Variants in CPA4 observed in about 807,000 individuals in gnomAD.
CPA4 encodes the protein carboxypeptidase A4, also known as carboxypeptidase A3.
In CPA4, 49 loss-of-function variants were observed where a neutral mutation model predicts 54.7. That is an observed-to-expected ratio of 0.90 (90% confidence interval 0.71 to 1.14). CPA4 has a LOEUF of 1.14. CPA4 is among the 50% of genes most tolerant of loss of function. The probability of loss-of-function intolerance (pLI) is 0.00; values close to 1 mark genes in which losing one functional copy is unlikely to be tolerated. For missense variants in CPA4, 487 were observed against 525.1 expected, an observed-to-expected ratio of 0.93 and a Z score of 0.71; for synonymous variants, 215 against 206.8, an observed-to-expected ratio of 1.04 and a Z score of -0.34.
intron 3 of CPA4, 21 bp downstream of exon 3, chr7:130,299,425 G>T: frequency 6.2e-7 from 1 of 1,612,230 alleles, no homozygotes; most frequent in Non-Finnish European, 8.5e-7. Context: ...TATGCCTCCT[G>T]CCTCCTGCTC....
intron 2 of CPA4, 108 bp from the exon 3 acceptor site, chr7:130,299,162 A>C (rs1206657523): frequency 1.7e-6 from 2 of 1,205,018 alleles, no homozygotes; most frequent in African/African-American, 1.5e-5. Flanking sequence ...GGCAGAGCCT[A>C]GCCTCTCAGG....
chr7:130,304,365 C>T, intron 4 of CPA4, 113 bp from the exon 5 acceptor site: 1 of 772,834 alleles, frequency 1.3e-6, no homozygotes, highest in South Asian at 1.4e-5. Context: ...TGGTCAATTC[C>T]AAGATTAGGG....
chr7:130,317,967 C>G (rs1286081627), intron 10 of CPA4, among the ~76,000 whole-genome samples: 1 of 152,154 alleles, frequency 6.6e-6, no homozygotes, highest in East Asian at 1.9e-4. Context: ...CCTCTGGACT[C>G]CATCTCAACA....
chr7:130,313,288 G>C (rs547715346), intron 10 of CPA4, among the ~76,000 whole-genome samples: 39 of 152,310 alleles, frequency 2.6e-4, no homozygotes, highest in Admixed American at 2.3e-3. Context: ...ATATTATTAG[G>C]ACAGAGCCCA....
At chr7:130,299,151 G>T (rs748220178) in intron 2 of CPA4, 119 bp from the exon 3 acceptor site, 138 of 1,095,860 alleles carry the variant, frequency 1.3e-4, no homozygotes, top group Non-Finnish European at 1.7e-4. Context: ...CTTTGCCCTT[G>T]GGCAGAGCCT....
intron 10 of CPA4, among the ~76,000 whole-genome samples, chr7:130,315,528 G>A (rs1277858558): frequency 6.6e-6 from 1 of 152,098 alleles, no homozygotes; most frequent in Non-Finnish European, 1.5e-5. Flanking sequence ...CTGTGCAAGT[G>A]TTTGAGTAAT....
chr7:130,307,094 T>A (rs1432226551), intron 7 of CPA4, among the ~76,000 whole-genome samples, 197 bp downstream of exon 7: 1 of 152,260 alleles, frequency 6.6e-6, no homozygotes, highest in East Asian at 1.9e-4. Flanking sequence ...GAACTCCCTA[T>A]CATGAGTCTT....
rs1468961624 is a variant in CPA4, at chr7:130,308,082, T to G, written c.703-225T>G. 3 of 569,144 alleles carry G rather than the reference T, an allele frequency of 5.3e-6. No individual in the cohort carries two copies. The East Asian group carries it at 8.8e-5, about 17-fold the overall frequency. 35.3% of individuals were successfully genotyped at this position (569,144 alleles called of 1,614,324 possible). A position where few individuals can be genotyped will look rare whatever the true frequency, so the allele number is the denominator to read the frequency against. On this transcript the variant is annotated intron_variant, in intron 7 of 10. Coordinates refer to ENST00000222482, the MANE Select transcript of CPA4 (RefSeq NM_016352.4). ...TCTGACTGGTTCTAGCATATAAAGG[T>G]CTCATCAGTACATTTGGAAGAAGTC...
intron 7 of CPA4, 86 bp from the exon 8 acceptor site, chr7:130,308,221 C>G (rs1424873719): frequency 1.7e-6 from 2 of 1,152,232 alleles, no homozygotes; most frequent in African/African-American, 1.5e-5. Flanking sequence ...GCAGCCTGCC[C>G]TGCCTGCGTG....
At chr7:130,312,226 GT>G in intron 10 of CPA4, 104 bp downstream of exon 10, 1 of 819,260 alleles carries the variant, frequency 1.2e-6, no homozygotes, top group Non-Finnish European at 2.1e-6. Context: ...TCATCTGATT[GT>G]TTTTGTTGTT....
At position 130,322,511 on chromosome 7, in the gene CPA4, C is replaced by T. The variant is rs778346915; in HGVS notation, c.1101C>T (p.Ile367=). The change falls in exon 11 of 11, where the codon ATC becomes ATT. Residue 367 remains isoleucine (I), a synonymous_variant. Transcript: ENST00000222482. ...TTVYPASGSS[I]DWAYDNGIKF... is the part of the protein sequence containing the mutation. ...CAGATCCAGCTAGCGGGAGCAGCATCGACTGGGCATATGACAACGGCATCA... is the reference window on the plus strand; with the variant it reads ...CAGATCCAGCTAGCGGGAGCAGCATTGACTGGGCATATGACAACGGCATCA... 11 of 1,613,696 alleles carry T rather than the reference C, an allele frequency of 6.8e-6. No homozygotes were observed. Among genetic ancestry groups the T allele is most frequent in the Admixed American group, 3.3e-5 (2 of 59,990 alleles).
At chr7:130,322,257 G>C (rs1443565753) in intron 10 of CPA4, among the ~76,000 whole-genome samples, 3 of 152,166 alleles carry the variant, frequency 2.0e-5, no homozygotes, top group African/African-American at 7.2e-5. Context: ...TTAGTAATAA[G>C]GTGGGAGTAG....
chr7:130,298,674 T>C (rs1049721064), intron 1 of CPA4, 72 bp from the exon 2 acceptor site: 4 of 918,316 alleles, frequency 4.4e-6, no homozygotes, highest in Middle Eastern at 2.1e-4. Flanking sequence ...GATAGGAGGC[T>C]TGGGGGTTTC....
chr7:130,316,160 C>T (rs1481230330), intron 10 of CPA4, among the ~76,000 whole-genome samples: 4 of 152,130 alleles, frequency 2.6e-5, no homozygotes, highest in Non-Finnish European at 4.4e-5. Context: ...CCTCACAGTT[C>T]CCTAAAGAAA....
chr7:130,306,215 C>A, intron 6 of CPA4: 1 of 423,682 alleles, frequency 2.4e-6, no homozygotes. Flanking sequence ...GACAAGGCCC[C>A]ATAGACCCTC....
chr7:130,309,552 G>A (rs10224337), intron 8 of CPA4, among the ~76,000 whole-genome samples: 10,493 of 152,242 alleles, frequency 0.069, 785 homozygotes, highest in African/African-American at 0.18. Context: ...ACCCTCCACA[G>A]AAGTGCCGAC....
At chr7:130,301,274 G>A (rs963336316) in intron 4 of CPA4, among the ~76,000 whole-genome samples, 1 of 152,010 alleles carries the variant, frequency 6.6e-6, no homozygotes. Flanking sequence ...CTTATTCCAG[G>A]CAAGTAGACA....
intron 4 of CPA4, among the ~76,000 whole-genome samples, chr7:130,302,317 T>C (rs1793750986): frequency 6.6e-6 from 1 of 151,878 alleles, no homozygotes; most frequent in Admixed American, 6.6e-5. Context: ...TGAAACCCCG[T>C]CTCAACTAAA....
chr7:130,302,663 T>C (rs527976879), intron 4 of CPA4, among the ~76,000 whole-genome samples: 3 of 152,164 alleles, frequency 2.0e-5, no homozygotes, highest in Non-Finnish European at 4.4e-5. Flanking sequence ...TGGACACAGC[T>C]TGGTGTTTTA....
Sources: gnomAD v4.1 joint callset for allele counts (sites outside exome capture counted in the v4.1 genomes callset) on GRCh38, gnomAD v4.1.1 for gene constraint, MANE v1.5 for transcripts, NCBI Gene and HGNC (gene_info 2026-07-23, HGNC 2026-07-21) for gene names.